NPAS2: variants seen among roughly 807,000 people sequenced by gnomAD.
NPAS2 encodes neuronal PAS domain-containing protein 2.
A neutral mutation model predicts 107.5 loss-of-function variants in NPAS2; 23 were observed. The observed-to-expected ratio is 0.21, with a 90% CI of 0.15 to 0.30. NPAS2 has a LOEUF of 0.30. Ranked by LOEUF, NPAS2 falls within the 10% of genes least tolerant of loss-of-function variation. The pLI is 1.00. For synonymous variants in NPAS2, 403 were observed against 417.5 expected (o/e 0.97, Z 0.42); for missense variants, 756 against 1,043.3 (o/e 0.72, Z 3.79).
At chr2:100,900,198 T>C (rs1354494121) in intron 1 of NPAS2, among the ~76,000 whole-genome samples, 1 of 152,222 alleles carries the variant, frequency 6.6e-6, no homozygotes. Context: ...CATTCATATT[T>C]TCTGACAAAG....
intron 12 of NPAS2, chr2:100,972,658 C>G (rs1004899344): frequency 1.3e-5 from 2 of 152,238 alleles, no homozygotes; most frequent in East Asian, 3.9e-4. Context: ...TAGGACGCAG[C>G]TGACATTGTT....
At chr2:100,923,385 G>C (rs1482140684) in intron 2 of NPAS2, among the ~76,000 whole-genome samples, 1 of 152,204 alleles carries the variant, frequency 6.6e-6, no homozygotes, top group South Asian at 2.1e-4. Flanking sequence ...TTGTGAACAT[G>C]TGTGTTGAAA....
intron 5 of NPAS2, among the ~76,000 whole-genome samples, chr2:100,943,143 G>A (rs549547858): frequency 1.3e-5 from 2 of 152,172 alleles, no homozygotes; most frequent in African/African-American, 2.4e-5. Flanking sequence ...ATGCCATAGT[G>A]GTGGCACCAG....
chr2:100,990,495 C>A (rs1329919041), intron 18 of NPAS2, 49 bp downstream of exon 18: 2 of 1,573,408 alleles, frequency 1.3e-6, no homozygotes, highest in East Asian at 2.2e-5. Context: ...CATTTTACCC[C>A]ATTCATTTCA....
rs202091159 is a variant in NPAS2 at position 100,968,259 on chromosome 2, G to A, written c.908-22G>A. On this transcript the variant is annotated intron_variant, in intron 10 of 20. Transcript: ENST00000335681. The surrounding 1 kb of genome is among the most constrained non-coding windows in gnomAD (Gnocchi z 5.3). Reference sequence around the variant, plus strand: ...TTTCATATTAACATTGGTTATATGCGGAATCCATTTTCTACCGACAGTGAT... The same window carrying A: ...TTTCATATTAACATTGGTTATATGCAGAATCCATTTTCTACCGACAGTGAT... The A allele has an allele frequency of 8.7e-6, 14 of 1,611,606 alleles. No homozygotes were observed. Among genetic ancestry groups the A allele is most frequent in the South Asian group, 2.2e-5 (2 of 90,948 alleles).
chr2:100,948,416 G>T, intron 6 of NPAS2, 61 bp downstream of exon 6: 1 of 1,471,792 alleles, frequency 6.8e-7, no homozygotes. Flanking sequence ...TTTGAAAGGA[G>T]GTTAGAATGA....
intron 1 of NPAS2, among the ~76,000 whole-genome samples, chr2:100,898,203 A>T (rs1361520778): frequency 6.6e-6 from 1 of 152,110 alleles, no homozygotes; most frequent in Non-Finnish European, 1.5e-5. Flanking sequence ...CTAGGACCAC[A>T]GGTATGCACC....
At chr2:100,907,300 C>T (rs1682220275) in intron 2 of NPAS2, among the ~76,000 whole-genome samples, 1 of 152,074 alleles carries the variant, frequency 6.6e-6, no homozygotes, top group Non-Finnish European at 1.5e-5. Context: ...TTCCCCTCCC[C>T]ATTTGCTTTG....
At chr2:100,990,209 C>G in intron 17 of NPAS2, 47 bp from the exon 18 acceptor site, 1 of 1,581,016 alleles carries the variant, frequency 6.3e-7, no homozygotes, top group South Asian at 1.1e-5. Flanking sequence ...AGAGATGGCC[C>G]AGGGTTGAGT....
chr2:100,859,257 C>T (rs1678783599), intron 1 of NPAS2, among the ~76,000 whole-genome samples: 1 of 151,982 alleles, frequency 6.6e-6, no homozygotes, highest in African/African-American at 2.4e-5. Context: ...AGCGAGACTC[C>T]ATCTCAAAAA....
Position 100,974,918 on chromosome 2 carries a change from C to T in NPAS2, c.1256C>T (p.Ser419Leu), listed in dbSNP as rs552031760. The T allele has an allele frequency of 5.6e-6, 9 of 1,613,878 alleles. No homozygotes were observed. The highest frequency in any genetic ancestry group is 1.7e-5 in the Admixed American group (1 of 59,988). ...SASSRSSHKS[S>L]HTAMSEPTST... ...TCCTCAAGAAGTTCCCACAAATCCT[C>T]GCACACAGCCATGTCAGAACCCACC... is the stretch of plus-strand genomic sequence containing the variant. The change falls in exon 13 of 21, where the codon TCG becomes TTG. Residue 419 changes from serine to leucine, a missense_variant. This residue lies in a region of NPAS2 where 496 missense variants were observed against 594.4 expected (regional missense o/e 0.83). Transcript: ENST00000335681.
At chr2:100,860,985 G>C (rs1286254507) in intron 1 of NPAS2, among the ~76,000 whole-genome samples, 1 of 151,826 alleles carries the variant, frequency 6.6e-6, no homozygotes, top group Non-Finnish European at 1.5e-5. Context: ...GGGCTCAAGC[G>C]ATCCTCTCAC....
At chr2:100,851,595 C>T (rs1406259808) in intron 1 of NPAS2, among the ~76,000 whole-genome samples, 1 of 152,200 alleles carries the variant, frequency 6.6e-6, no homozygotes, top group Non-Finnish European at 1.5e-5. Flanking sequence ...CCTGAGCACC[C>T]ACTGGCCAGA....
At chr2:100,841,979 A>G (rs1336524476) in intron 1 of NPAS2, among the ~76,000 whole-genome samples, 1 of 152,192 alleles carries the variant, frequency 6.6e-6, no homozygotes, top group Non-Finnish European at 1.5e-5. Context: ...CAGCATATTC[A>G]CATCCACATA....
chr2:100,842,364 C>T (rs1387695740), intron 1 of NPAS2, among the ~76,000 whole-genome samples: 1 of 152,152 alleles, frequency 6.6e-6, no homozygotes, highest in African/African-American at 2.4e-5. Context: ...GCAGCTACTC[C>T]TGCACGTAGA....
intron 1 of NPAS2, among the ~76,000 whole-genome samples, chr2:100,857,079 G>A (rs913170004): frequency 3.9e-5 from 6 of 152,132 alleles, no homozygotes; most frequent in Non-Finnish European, 5.9e-5. Flanking sequence ...GCCGAGGTGG[G>A]CGGATCACCT....
chr2:100,846,783 G>A (rs1315836919), intron 1 of NPAS2: 3 of 152,074 alleles, frequency 2.0e-5, no homozygotes, highest in Non-Finnish European at 4.4e-5. Flanking sequence ...ATAAAGTGTT[G>A]AAAATGCCTT....
intron 2 of NPAS2, among the ~76,000 whole-genome samples, chr2:100,912,047 A>T (rs974966163): frequency 3.3e-5 from 5 of 152,190 alleles, no homozygotes; most frequent in Admixed American, 1.3e-4. Context: ...TTCACTGAGC[A>T]TCGTGTGCTG....
chr2:100,903,952 C>G (rs1333828382), intron 1 of NPAS2, among the ~76,000 whole-genome samples: 2 of 152,160 alleles, frequency 1.3e-5, no homozygotes, highest in Non-Finnish European at 2.9e-5. Context: ...TGAGAAGCAT[C>G]AAGCCAGTGG....
Sources: gnomAD v4.1 joint callset for allele counts (sites outside exome capture counted in the v4.1 genomes callset) on GRCh38, gnomAD v4.1.1 for gene constraint, gnomAD v4.1.1 regional missense constraint, Gnocchi (gnomAD v3.1) non-coding constraint, MANE v1.5 for transcripts, NCBI Gene and HGNC (gene_info 2026-07-23, HGNC 2026-07-21) for gene names.